CACNA1E: variants seen among roughly 807,000 people sequenced by gnomAD.
The protein encoded by CACNA1E is calcium voltage-gated channel subunit alpha1 E.
Under a neutral mutation model 259.2 loss-of-function variants are expected in CACNA1E, and 40 were observed. That is an observed-to-expected ratio of 0.15 (90% CI 0.12 to 0.20). The LOEUF is 0.20. CACNA1E is among the 10% of genes least tolerant of loss of function. The pLI, the probability that CACNA1E is intolerant of heterozygous loss-of-function variation, is 1.00. For synonymous variants in CACNA1E, 1,104 were observed against 1,138.5 expected (o/e 0.97, Z 0.61); for missense variants, 1,874 against 3,040.1 (o/e 0.62, Z 9.02).
rs558724964 is a variant in CACNA1E, at chr1:181,719,954, T to C, written c.1751+91T>C. Reference sequence around the variant, plus strand: ...TTTTCTTCCATCTTCTCTTTCCCCCTTAGGGGGAAAGTATCCCTTCCCTGC... The same window carrying C: ...TTTTCTTCCATCTTCTCTTTCCCCCCTAGGGGGAAAGTATCCCTTCCCTGC... On this transcript the variant is annotated intron_variant, in intron 13 of 47. Coordinates refer to ENST00000367573, the MANE Select transcript of CACNA1E (RefSeq NM_001205293.3). 507 of 839,934 alleles carry C rather than the reference T, an allele frequency of 6.0e-4. 1 individual carries two copies. In the African/African-American group the frequency reaches 7.0e-3, roughly 12 times the overall value. The allele number at this position is 839,934 out of a possible 1,614,324, so 52.0% of individuals were successfully genotyped here.
chr1:181,390,659 T>G (rs1656199409), intron 1 of CACNA1E, among the ~76,000 whole-genome samples: 1 of 152,102 alleles, frequency 6.6e-6, no homozygotes, highest in African/African-American at 2.4e-5. Context: ...TGAAATCTGT[T>G]GCCTAGAGAT....
chr1:181,558,863 G>A (rs190545272), intron 3 of CACNA1E, among the ~76,000 whole-genome samples: 164 of 152,212 alleles, frequency 1.1e-3, no homozygotes, highest in African/African-American at 3.8e-3. Flanking sequence ...TTATGAGGAC[G>A]TTGGCAGTAG....
chr1:181,421,439 C>T (rs901095931), intron 2 of CACNA1E, among the ~76,000 whole-genome samples: 1 of 152,192 alleles, frequency 6.6e-6, no homozygotes, highest in Non-Finnish European at 1.5e-5. Flanking sequence ...TGGGTGACCT[C>T]ACCAGGTCCA....
chr1:181,352,358 A>G (rs1216282153), intron 1 of CACNA1E, among the ~76,000 whole-genome samples: 1 of 152,182 alleles, frequency 6.6e-6, no homozygotes, highest in African/African-American at 2.4e-5. Flanking sequence ...TTCCGTTGGC[A>G]TAACAGGGTC....
intron 6 of CACNA1E, among the ~76,000 whole-genome samples, chr1:181,626,843 T>C (rs199939): frequency 0.74 from 112,201 of 152,124 alleles, 43,258 homozygotes; most frequent in East Asian, 0.94. Flanking sequence ...GAGTGCTCAT[T>C]AGCAGAGATT....
chr1:181,744,374 C>T (rs756717760), intron 25 of CACNA1E, among the ~76,000 whole-genome samples: 5 of 152,056 alleles, frequency 3.3e-5, no homozygotes, highest in Non-Finnish European at 5.9e-5. Flanking sequence ...CCCAACGAGT[C>T]GGGAGGCTGA....
chr1:181,490,487 G>A (rs1225810373), intron 1 of CACNA1E, among the ~76,000 whole-genome samples: 1 of 150,754 alleles, frequency 6.6e-6, no homozygotes, highest in Non-Finnish European at 1.5e-5. Context: ...CTCCAGCCAC[G>A]CTCCAGCCAC....
rs796814585 is a variant in CACNA1E at position 181,388,467 on chromosome 1, C to T, written c.-14-24666C>T. Among the ~76,000 whole-genome samples, 13 of 152,260 alleles carry T rather than the reference C, an allele frequency of 8.5e-5. 1 individual carries two copies. The highest frequency in any genetic ancestry group is 3.1e-4 in the African/African-American group (13 of 41,552). ...ACACACCCAGGCTATATGGTATAGC[C>T]TATCGCTCCTAGGCTACAAATCTGT... On this transcript the variant is annotated intron_variant, in intron 1 of 11. Transcript: ENST00000524607.
chr1:181,770,696 G>A (rs1465381156), intron 35 of CACNA1E, among the ~76,000 whole-genome samples: 2 of 152,272 alleles, frequency 1.3e-5, no homozygotes, highest in African/African-American at 4.8e-5. Flanking sequence ...GGATATATGT[G>A]TGTTCAATCT....
At chr1:181,423,285 A>T (rs1658899779) in intron 2 of CACNA1E, among the ~76,000 whole-genome samples, 1 of 152,194 alleles carries the variant, frequency 6.6e-6, no homozygotes, top group Admixed American at 6.5e-5. Context: ...TACAGGAGGG[A>T]ATGCACAGTG....
At chr1:181,558,212 C>A (rs1363966682) in intron 3 of CACNA1E, among the ~76,000 whole-genome samples, 1 of 152,196 alleles carries the variant, frequency 6.6e-6, no homozygotes, top group East Asian at 1.9e-4. Flanking sequence ...GCCCTCACTG[C>A]AAGAGTTCAT....
intron 3 of CACNA1E, among the ~76,000 whole-genome samples, chr1:181,546,151 A>C (rs1365951250): frequency 1.3e-5 from 2 of 152,112 alleles, no homozygotes; most frequent in African/African-American, 4.8e-5. Flanking sequence ...GATGTGTGCC[A>C]GGTCGTCAAG....
At chr1:181,520,436 C>T (rs184245496) in intron 3 of CACNA1E, among the ~76,000 whole-genome samples, 286 of 152,002 alleles carry the variant, frequency 1.9e-3, no homozygotes, top group Non-Finnish European at 3.5e-3. Flanking sequence ...ACACATAAAG[C>T]ACCATGAGTG....
chr1:181,455,396 G>A (rs1468972583), intron 2 of CACNA1E, among the ~76,000 whole-genome samples: 1 of 152,178 alleles, frequency 6.6e-6, no homozygotes, highest in East Asian at 1.9e-4. Flanking sequence ...GGTTTGGGGA[G>A]GCTTCCTCTT....
intron 3 of CACNA1E, among the ~76,000 whole-genome samples, chr1:181,544,752 GACCCCGGAGGGTTTGCTA>G (rs1647272956): frequency 6.6e-6 from 1 of 152,196 alleles, no homozygotes; most frequent in South Asian, 2.1e-4. Flanking sequence ...GCAGCAGGCT[GACCCCGGAGGGTTTGCTA>G]ATCAGAGAGA....
intron 1 of CACNA1E, among the ~76,000 whole-genome samples, chr1:181,365,561 T>C (rs1444641705): frequency 6.6e-6 from 1 of 152,160 alleles, no homozygotes; most frequent in Non-Finnish European, 1.5e-5. Flanking sequence ...ATTGGCTTGA[T>C]TTGTTGTTGT....
intron 2 of CACNA1E, among the ~76,000 whole-genome samples, chr1:181,471,376 T>TA (rs1319177109): frequency 6.6e-6 from 1 of 152,160 alleles, no homozygotes; most frequent in Non-Finnish European, 1.5e-5. Flanking sequence ...TGTAGGAACT[T>TA]AGTTTCTCTG....
chr1:181,566,724 A>C (rs1649867921), intron 3 of CACNA1E, among the ~76,000 whole-genome samples: 1 of 152,214 alleles, frequency 6.6e-6, no homozygotes, highest in Non-Finnish European at 1.5e-5. Context: ...TCCCAGTGTG[A>C]ATAGGGACTA....
At chr1:181,337,607 A>C (rs2804705) in intron 1 of CACNA1E, among the ~76,000 whole-genome samples, 84,131 of 152,042 alleles carry the variant, frequency 0.55, 24,495 homozygotes, top group African/African-American at 0.72. Flanking sequence ...TAAGTGAGAT[A>C]ATGCAGTACT....
Sources: allele counts gnomAD v4.1 joint callset (sites outside exome capture counted in the v4.1 genomes callset), GRCh38; gene constraint gnomAD v4.1.1; transcripts MANE v1.5; gene names NCBI Gene and HGNC (gene_info 2026-07-23, HGNC 2026-07-21).